Variants in TLK1 observed in about 807,000 individuals in gnomAD.
The protein encoded by TLK1 is serine/threonine-protein kinase tousled-like 1.
A neutral mutation model predicts 105.3 loss-of-function variants in TLK1; 24 were observed. The ratio of observed to expected loss-of-function variants is 0.23; its 90% confidence interval spans 0.17 to 0.32. TLK1 has a LOEUF of 0.32. Among genes scored for constraint, TLK1 ranks in the 10% least tolerant of loss-of-function variants. TLK1 has a pLI of 1.00. For synonymous variants in TLK1, 321 were observed against 310.4 expected, an observed-to-expected ratio of 1.03 and a Z score of -0.36; for missense variants, 558 against 910.5, an observed-to-expected ratio of 0.61 and a Z score of 4.98.
intron 2 of TLK1, among the ~76,000 whole-genome samples, chr2:171,106,204 C>T (rs866409236): frequency 3.3e-4 from 50 of 152,208 alleles, no homozygotes; most frequent in African/African-American, 1.2e-3. Context: ...CGGGAGGGGA[C>T]AGCCAACAGT....
intron 2 of TLK1, among the ~76,000 whole-genome samples, chr2:171,108,313 G>A (rs1337088155): frequency 2.0e-5 from 3 of 152,058 alleles, no homozygotes; most frequent in Non-Finnish European, 4.4e-5. Flanking sequence ...GTTTGAGAGA[G>A]CATTTTTAGT....
chr2:171,223,778 C>G (rs1454651677), intron 1 of TLK1, among the ~76,000 whole-genome samples: 1 of 151,348 alleles, frequency 6.6e-6, no homozygotes, highest in Non-Finnish European at 1.5e-5. Flanking sequence ...CCACTCCCAG[C>G]AGTGCACATT....
At chr2:171,068,454 G>A (rs1394749311) in intron 3 of TLK1, among the ~76,000 whole-genome samples, 1 of 152,180 alleles carries the variant, frequency 6.6e-6, no homozygotes, top group Non-Finnish European at 1.5e-5. Flanking sequence ...CTACAGACAT[G>A]TGACCATACC....
Position 171,127,888 on chromosome 2 carries a change from G to A in TLK1, c.140-10031C>T, listed in dbSNP as rs80254465. On this transcript the variant is annotated intron_variant, in intron 1 of 20. Transcript: ENST00000431350. ...TCTATCTACATATATAGATATATAT[G>A]TACTGCACATACACACATAAACACA... 7.2e-5 allele frequency among the ~76,000 whole-genome samples: 11 copies of A among 152,060 alleles called. 1 individual carries two copies. The East Asian group carries it at 2.1e-3, about 29-fold the overall frequency.
At chr2:171,020,667 A>G (rs1685454016) in intron 12 of TLK1, among the ~76,000 whole-genome samples, 1 of 152,208 alleles carries the variant, frequency 6.6e-6, no homozygotes, top group African/African-American at 2.4e-5. Flanking sequence ...ATGCTTTCCC[A>G]TATTCTAAAT....
intron 1 of TLK1, among the ~76,000 whole-genome samples, chr2:171,186,918 C>A (rs192497228): frequency 1.3e-5 from 2 of 151,252 alleles, no homozygotes; most frequent in African/African-American, 4.9e-5. Context: ...ATTGGCTGGG[C>A]GTGGTGGCGG....
chr2:171,008,414 G>A (rs949007678), intron 14 of TLK1, among the ~76,000 whole-genome samples: 5 of 152,100 alleles, frequency 3.3e-5, no homozygotes, highest in East Asian at 1.9e-4. Context: ...TTTATATAAG[G>A]GACAAGGCGG....
chr2:171,069,714 T>G (rs1688165932), intron 3 of TLK1, among the ~76,000 whole-genome samples: 1 of 152,240 alleles, frequency 6.6e-6, no homozygotes, highest in South Asian at 2.1e-4. Context: ...ACTTTCATTC[T>G]GAGTTTACAG....
intron 14 of TLK1, 151 bp from the exon 15 acceptor site, chr2:171,007,214 C>T (rs2557795): frequency 0.98 from 491,163 of 500,776 alleles, 241,304 homozygotes; most frequent in East Asian, 1. Context: ...CTATATATAG[C>T]TCAATGACAC....
At chr2:171,054,947 G>T in intron 7 of TLK1, 136 bp downstream of exon 7, 2 of 452,334 alleles carry the variant, frequency 4.4e-6, no homozygotes, top group Non-Finnish European at 7.6e-6. Flanking sequence ...TGTTGTTTTT[G>T]TTTAGTAAGT....
At position 171,202,452 on chromosome 2, in the gene TLK1, C is replaced by CA. The variant is rs879667751; in HGVS notation, c.-6+28692dup. Among the ~76,000 whole-genome samples, 327 of 132,696 alleles carry CA rather than the reference C, an allele frequency of 2.5e-3. 2 individuals are homozygous for CA. The highest frequency in any genetic ancestry group is 9.2e-3 in the Middle Eastern group (2 of 218). 87.1% of individuals were successfully genotyped at this position (132,696 alleles called of 152,430 possible). ...GAGCAACGAGAGTGAAATTCCAACT[C>CA]AAAAAAAAAAAAGAATTTCCCTGCC... On this transcript the variant is annotated intron_variant, in intron 1 of 20. Coordinates refer to the TLK1 transcript ENST00000521943.
chr2:171,196,114 T>G, intron 1 of TLK1, among the ~76,000 whole-genome samples: 1 of 139,226 alleles, frequency 7.2e-6, no homozygotes, highest in Admixed American at 7.5e-5. Context: ...GGAGGGACAT[T>G]GTAGCTGGTT....
At chr2:171,196,068 GAAGGAAGGAAGGAGGA>G (rs1430784622) in intron 1 of TLK1, among the ~76,000 whole-genome samples, 3 of 146,886 alleles carry the variant, frequency 2.0e-5, no homozygotes, top group Non-Finnish European at 4.5e-5. Context: ...AAAGAAAAAG[GAAGGAAGGAAGGAGGA>G]AAGGAAGGAA....
chr2:171,030,734 G>T (rs928475161), intron 11 of TLK1, among the ~76,000 whole-genome samples: 1 of 152,016 alleles, frequency 6.6e-6, no homozygotes, highest in African/African-American at 2.4e-5. Flanking sequence ...ATTTTTAAAA[G>T]ATATTTAAAT....
chr2:171,048,991 A>G (rs1396001490), intron 10 of TLK1, among the ~76,000 whole-genome samples: 1 of 152,242 alleles, frequency 6.6e-6, no homozygotes, highest in African/African-American at 2.4e-5. Flanking sequence ...TATGGTAACT[A>G]TAATTCCTCT....
chr2:171,230,968 AC>A (rs1693985686), intron 1 of TLK1, among the ~76,000 whole-genome samples: 1 of 152,196 alleles, frequency 6.6e-6, no homozygotes, highest in African/African-American at 2.4e-5. Flanking sequence ...GAAGGTTTGC[AC>A]CTGCAAACCT....
At position 171,160,032 on chromosome 2, in the gene TLK1, G is replaced by C. The variant is rs1285707462; in HGVS notation, c.139+258C>G. Among the ~76,000 whole-genome samples the C allele has an allele frequency of 4.6e-5, 7 of 152,162 alleles. No individual in the cohort carries two copies. The highest frequency in any genetic ancestry group is 3.3e-4 in the Admixed American group (5 of 15,290). ...ACTGGCTCCCAGGAACCCCAGGCGA[G>C]TCTATGCGCCTCGCCCCGTCCCCAC... On this transcript the variant is annotated intron_variant, in intron 1 of 20. Coordinates refer to ENST00000431350, the MANE Select transcript of TLK1 (RefSeq NM_012290.5). This position sits in a 1 kb window ranked among gnomAD's most constrained non-coding sequence, Gnocchi z 4.4.
chr2:170,995,537 TAAAC>T (rs1364721929), intron 20 of TLK1, among the ~76,000 whole-genome samples: 1 of 152,038 alleles, frequency 6.6e-6, no homozygotes, highest in African/African-American at 2.4e-5. Flanking sequence ...CAGTCAGTAT[TAAAC>T]AAACAGATCA....
chr2:171,137,258 G>A (rs1691363270), intron 1 of TLK1, among the ~76,000 whole-genome samples: 1 of 152,038 alleles, frequency 6.6e-6, no homozygotes, highest in African/African-American at 2.4e-5. Context: ...CTCCAGGCTG[G>A]GTGACAGAGT....
Sources: allele counts gnomAD v4.1 joint callset (sites outside exome capture counted in the v4.1 genomes callset), GRCh38; gene constraint gnomAD v4.1.1; non-coding constraint Gnocchi (gnomAD v3.1); transcripts MANE v1.5; gene names NCBI Gene and HGNC (gene_info 2026-07-23, HGNC 2026-07-21).